The following PLXNA4 variants were observed in gnomAD, a reference collection of about 807,000 sequenced individuals.
The protein encoded by PLXNA4 is plexin-A4.
Under a neutral mutation model 191.8 loss-of-function variants are expected in PLXNA4, and 44 were observed. That is an observed-to-expected ratio of 0.23 (90% CI 0.18 to 0.29). The LOEUF (loss-of-function observed/expected upper bound fraction) is 0.29. Ranked by LOEUF, PLXNA4 falls within the 10% of genes least tolerant of loss-of-function variation. The probability of loss-of-function intolerance (pLI) is 1.00; values close to 1 mark genes in which losing one functional copy is unlikely to be tolerated. For synonymous variants in PLXNA4, 1,082 were observed against 1,009.5 expected (o/e 1.07, Z -1.36); for missense variants, 1,800 against 2,488.8 (o/e 0.72, Z 5.89).
Position 132,191,824 on chromosome 7 carries a change from A to ATG in PLXNA4, c.2856+2237_2856+2238insCA, listed in dbSNP as rs1404015989. 2.6e-4 allele frequency among the ~76,000 whole-genome samples: 34 copies of ATG among 130,684 alleles called. No homozygotes were observed. In the South Asian group the frequency reaches 8.7e-3, roughly 33 times the overall value. 85.7% of individuals were successfully genotyped at this position (130,684 alleles called of 152,430 possible). ...TCTATGTCTATATCATATACTATAT[A>ATG]TATATATATACACACACACACACAC... On this transcript the variant is annotated intron_variant, in intron 14 of 31. Transcript: ENST00000321063.
At chr7:132,335,581 G>A (rs1802786346) in intron 3 of PLXNA4, among the ~76,000 whole-genome samples, 1 of 152,178 alleles carries the variant, frequency 6.6e-6, no homozygotes. Flanking sequence ...AAAGCTCAAG[G>A]TCATCCTATA....
intron 1 of PLXNA4, among the ~76,000 whole-genome samples, chr7:132,555,128 C>T (rs1433703064): frequency 9.2e-5 from 14 of 151,352 alleles, no homozygotes; most frequent in African/African-American, 3.4e-4. Context: ...ACTCCAGGTC[C>T]TATAAAAATA....
At chr7:132,394,121 A>T (rs1793646322) in intron 3 of PLXNA4, among the ~76,000 whole-genome samples, 1 of 152,022 alleles carries the variant, frequency 6.6e-6, no homozygotes, top group Non-Finnish European at 1.5e-5. Flanking sequence ...CCCAGGATAC[A>T]TGGGAGAGGG....
chr7:132,181,149 G>C (rs17166223), intron 18 of PLXNA4, among the ~76,000 whole-genome samples: 1 of 152,202 alleles, frequency 6.6e-6, no homozygotes, highest in South Asian at 2.1e-4. Flanking sequence ...ATAAAAGCTT[G>C]AGAGTCAAAT....
chr7:132,352,056 C>T (rs890246650), intron 3 of PLXNA4, among the ~76,000 whole-genome samples: 6 of 152,134 alleles, frequency 3.9e-5, no homozygotes, highest in African/African-American at 1.2e-4. Flanking sequence ...GACATAATAT[C>T]GGCCTTTAAT....
chr7:132,563,093 C>T (rs1801379432), intron 1 of PLXNA4, among the ~76,000 whole-genome samples: 1 of 79,416 alleles, frequency 1.3e-5, no homozygotes, highest in Non-Finnish European at 2.7e-5. Context: ...TCCTCCTCTT[C>T]TTCCTCCTCC....
chr7:132,434,745 C>T (rs1036496360), intron 3 of PLXNA4, among the ~76,000 whole-genome samples: 4 of 152,328 alleles, frequency 2.6e-5, no homozygotes, highest in Admixed American at 2.0e-4. Flanking sequence ...AAGTGTGGAA[C>T]GGTGAGCTCC....
chr7:132,475,529 C>T (rs1408466312), intron 3 of PLXNA4, among the ~76,000 whole-genome samples: 1 of 152,118 alleles, frequency 6.6e-6, no homozygotes, highest in Admixed American at 6.5e-5. Context: ...CTTCCTTCTG[C>T]CCCTGCCCCC....
intron 2 of PLXNA4, among the ~76,000 whole-genome samples, chr7:132,584,915 C>T (rs930385420): frequency 2.6e-5 from 4 of 152,204 alleles, no homozygotes; most frequent in African/African-American, 9.7e-5. Context: ...TCAAATCCAG[C>T]CAACCACTCC....
intron 1 of PLXNA4, among the ~76,000 whole-genome samples, chr7:132,518,594 C>T (rs561220284): frequency 6.6e-6 from 1 of 152,172 alleles, no homozygotes; most frequent in Non-Finnish European, 1.5e-5. Context: ...AGAGTCTTGG[C>T]GCCACCAGGC....
intron 3 of PLXNA4, among the ~76,000 whole-genome samples, chr7:132,446,615 A>G (rs1795921134): frequency 6.6e-6 from 1 of 152,176 alleles, no homozygotes; most frequent in African/African-American, 2.4e-5. Context: ...AGACACTAAG[A>G]TGCATCTTTT....
chr7:132,351,554 G>A (rs1803486171), intron 3 of PLXNA4, among the ~76,000 whole-genome samples: 1 of 152,200 alleles, frequency 6.6e-6, no homozygotes, highest in Non-Finnish European at 1.5e-5. Context: ...CAGGAAGAAA[G>A]CGATGAGTCC....
intron 4 of PLXNA4, among the ~76,000 whole-genome samples, chr7:132,280,329 A>T (rs1314876850): frequency 6.6e-6 from 1 of 152,230 alleles, no homozygotes; most frequent in East Asian, 1.9e-4. Flanking sequence ...AGTGGAAGGG[A>T]TAAAGGAAAG....
chr7:132,256,065 C>T (rs1799421063), intron 4 of PLXNA4, among the ~76,000 whole-genome samples: 1 of 152,196 alleles, frequency 6.6e-6, no homozygotes, highest in Non-Finnish European at 1.5e-5. Context: ...GTACAAGAGG[C>T]CGTGCTGTGT....
chr7:132,183,424 T>G (rs1411264674), intron 16 of PLXNA4, among the ~76,000 whole-genome samples: 1 of 152,170 alleles, frequency 6.6e-6, no homozygotes, highest in African/African-American at 2.4e-5. Context: ...CACCCCATCC[T>G]CAGACTTTAT....
intron 3 of PLXNA4, among the ~76,000 whole-genome samples, chr7:132,336,639 AC>A (rs1028026663): frequency 9.2e-5 from 14 of 152,096 alleles, no homozygotes; most frequent in Non-Finnish European, 1.3e-4. Context: ...GGCCACCACC[AC>A]CCCCCACTCT....
At chr7:132,504,044 G>A (rs1798359753) in intron 2 of PLXNA4, among the ~76,000 whole-genome samples, 1 of 152,230 alleles carries the variant, frequency 6.6e-6, no homozygotes, top group South Asian at 2.1e-4. Context: ...ATGTACATTT[G>A]TGACAGGTTC....
intron 3 of PLXNA4, among the ~76,000 whole-genome samples, chr7:132,446,266 A>G (rs1275469503): frequency 6.6e-6 from 1 of 152,220 alleles, no homozygotes; most frequent in African/African-American, 2.4e-5. Flanking sequence ...ATAACAACAT[A>G]CGAACAACAA....
chr7:132,310,088 C>T (rs375837563), intron 3 of PLXNA4, among the ~76,000 whole-genome samples: 1 of 151,988 alleles, frequency 6.6e-6, no homozygotes, highest in Admixed American at 6.5e-5. Context: ...TGCAGGCAAC[C>T]AAGCTCGACT....
Sources: allele counts gnomAD v4.1 joint callset (sites outside exome capture counted in the v4.1 genomes callset), GRCh38; gene constraint gnomAD v4.1.1; transcripts MANE v1.5; gene names NCBI Gene and HGNC (gene_info 2026-07-23, HGNC 2026-07-21).